The following XRCC4 variants were observed in gnomAD, a reference collection of about 807,000 sequenced individuals.
The protein encoded by XRCC4 is DNA repair protein XRCC4.
A neutral mutation model predicts 39.1 loss-of-function variants in XRCC4; 28 were observed. The ratio of observed to expected loss-of-function variants is 0.72; its 90% CI spans 0.53 to 0.98. XRCC4 has a LOEUF of 0.98. Among genes scored for constraint, XRCC4 ranks in the 50% least tolerant of loss-of-function variants. XRCC4 has a pLI of 0.00. For missense variants in XRCC4, 350 were observed against 376.4 expected (o/e 0.93, Z 0.58); for synonymous variants, 123 against 126.4 (o/e 0.97, Z 0.18).
At chr5:83,145,846 G>C (rs1748427143) in intron 3 of XRCC4, among the ~76,000 whole-genome samples, 2 of 149,340 alleles carry the variant, frequency 1.3e-5, no homozygotes, top group South Asian at 4.2e-4. Flanking sequence ...TCACTTTCCT[G>C]TGCAGTCAGG....
chr5:83,321,710 G>GT (rs1299316983), intron 7 of XRCC4, among the ~76,000 whole-genome samples: 1 of 152,060 alleles, frequency 6.6e-6, no homozygotes, highest in African/African-American at 2.4e-5. Flanking sequence ...CAGTCATGGG[G>GT]TTTTTAACTC....
intron 3 of XRCC4, among the ~76,000 whole-genome samples, chr5:83,138,943 A>C (rs2112510951): frequency 6.6e-6 from 1 of 152,266 alleles, no homozygotes; most frequent in South Asian, 2.1e-4. Flanking sequence ...GAAGTTGAAA[A>C]AATAATAAAG....
chr5:83,361,832 G>A, the XRCC4 span, among the ~76,000 whole-genome samples: 1 of 151,876 alleles, frequency 6.6e-6, no homozygotes, highest in Non-Finnish European at 1.5e-5. Context: ...AGGTTGGCCA[G>A]GCTGGTCAAC....
chr5:83,196,968 G>A (rs982432737), intron 4 of XRCC4, among the ~76,000 whole-genome samples: 4 of 151,550 alleles, frequency 2.6e-5, no homozygotes, highest in Non-Finnish European at 5.9e-5. Flanking sequence ...TTATTTTTCT[G>A]TACATTCAAT....
At chr5:83,292,798 A>G (rs28360271) in intron 7 of XRCC4, among the ~76,000 whole-genome samples, 33 of 152,016 alleles carry the variant, frequency 2.2e-4, no homozygotes, top group Admixed American at 2.2e-3. Flanking sequence ...TTATAAATTC[A>G]TAATTTAATC....
intron 3 of XRCC4, among the ~76,000 whole-genome samples, chr5:83,164,066 A>G (rs1262006832): frequency 6.6e-6 from 1 of 152,190 alleles, no homozygotes; most frequent in Non-Finnish European, 1.5e-5. Context: ...GTAAAATAAA[A>G]CAAAAACCTA....
At chr5:83,280,675 A>T in intron 7 of XRCC4, 1 of 258,272 alleles carries the variant, frequency 3.9e-6, no homozygotes. Context: ...TTTATAAGAC[A>T]TGAATCCATT....
At chr5:83,132,176 A>C (rs560394518) in intron 3 of XRCC4, among the ~76,000 whole-genome samples, 3 of 152,158 alleles carry the variant, frequency 2.0e-5, no homozygotes, top group South Asian at 4.1e-4. Flanking sequence ...CTGGGTTGAA[A>C]ATTCTTTTCT....
intron 3 of XRCC4, among the ~76,000 whole-genome samples, chr5:83,121,427 C>G (rs1747004204): frequency 6.6e-6 from 1 of 152,126 alleles, no homozygotes; most frequent in Non-Finnish European, 1.5e-5. Flanking sequence ...TCTCCACATC[C>G]TTGTCATTAC....
At chr5:83,147,329 A>G (rs1012308856) in intron 3 of XRCC4, among the ~76,000 whole-genome samples, 1 of 152,188 alleles carries the variant, frequency 6.6e-6, no homozygotes, top group Non-Finnish European at 1.5e-5. Context: ...ATGAATGGAG[A>G]AGGAAAATGT....
chr5:83,167,588 T>C (rs1749541219), intron 3 of XRCC4, among the ~76,000 whole-genome samples: 1 of 152,186 alleles, frequency 6.6e-6, no homozygotes, highest in African/African-American at 2.4e-5. Context: ...TGGGTTTTAA[T>C]GCTTGTGTGG....
intron 1 of XRCC4, among the ~76,000 whole-genome samples, chr5:83,089,548 C>G (rs1333785129): frequency 6.6e-6 from 1 of 152,204 alleles, no homozygotes; most frequent in East Asian, 1.9e-4. Context: ...AGTGTCAGAT[C>G]CCACAGGTTT....
At chr5:83,103,913 G>A (rs1746072746) in intron 1 of XRCC4, among the ~76,000 whole-genome samples, 1 of 152,166 alleles carries the variant, frequency 6.6e-6, no homozygotes, top group African/African-American at 2.4e-5. Flanking sequence ...CTAGATTGGA[G>A]GGAGTGTGAG....
intron 7 of XRCC4, among the ~76,000 whole-genome samples, chr5:83,312,523 C>G (rs1328566914): frequency 1.3e-5 from 2 of 152,142 alleles, no homozygotes; most frequent in African/African-American, 2.4e-5. Flanking sequence ...AACTTCTGCT[C>G]TCTAAGAGAG....
chr5:83,370,348 A>G, the XRCC4 span, among the ~76,000 whole-genome samples: 4 of 152,140 alleles, frequency 2.6e-5, no homozygotes, highest in Non-Finnish European at 2.9e-5. Context: ...TCATCCCTGG[A>G]AGAAAGGTAG....
At chr5:83,084,580 A>G (rs1417249639) in intron 1 of XRCC4, among the ~76,000 whole-genome samples, 1 of 152,232 alleles carries the variant, frequency 6.6e-6, no homozygotes, top group African/African-American at 2.4e-5. Context: ...ACTTCATGTT[A>G]CATTAAACTT....
chr5:83,259,195 G>C (rs1753663336), intron 7 of XRCC4: 1 of 153,404 alleles, frequency 6.5e-6, no homozygotes, highest in Non-Finnish European at 1.4e-5. Flanking sequence ...TAGGTGTGAT[G>C]AGTTGCGAAG....
chr5:83,195,121 T>A (rs1750884601), intron 3 of XRCC4, among the ~76,000 whole-genome samples: 1 of 152,164 alleles, frequency 6.6e-6, no homozygotes, highest in African/African-American at 2.4e-5. Flanking sequence ...ATTCCATAAG[T>A]GTACTAAAAC....
intron 6 of XRCC4, among the ~76,000 whole-genome samples, chr5:83,253,102 A>G (rs1391280881): frequency 6.6e-6 from 1 of 152,210 alleles, no homozygotes; most frequent in African/African-American, 2.4e-5. Context: ...GAGCTGTGCT[A>G]GAAGGAGGCA....
Sources: gnomAD v4.1 joint callset for allele counts (sites outside exome capture counted in the v4.1 genomes callset) on GRCh38, gnomAD v4.1.1 for gene constraint, MANE v1.5 for transcripts, NCBI Gene and HGNC (gene_info 2026-07-23, HGNC 2026-07-21) for gene names.